Variants in GABBR2 observed in about 807,000 individuals in gnomAD.
GABBR2 encodes the protein G-protein coupled receptor 51.
A neutral mutation model predicts 105.6 loss-of-function variants in GABBR2; 23 were observed. The ratio of observed to expected loss-of-function variants is 0.22; its 90% CI spans 0.16 to 0.31. GABBR2 has a LOEUF of 0.31. Among genes scored for constraint, GABBR2 ranks in the 10% least tolerant of loss-of-function variants. The pLI is 1.00. For synonymous variants in GABBR2, 478 were observed against 499.7 expected, an observed-to-expected ratio of 0.96 and a Z score of 0.58; for missense variants, 734 against 1,245.5, an observed-to-expected ratio of 0.59 and a Z score of 6.18.
At chr9:98,611,567 G>T (rs1283230963) in intron 1 of GABBR2, among the ~76,000 whole-genome samples, 3 of 152,212 alleles carry the variant, frequency 2.0e-5, no homozygotes, top group Non-Finnish European at 4.4e-5. Context: ...TAGGCTAGCT[G>T]CTGACCCATA....
At chr9:98,316,983 C>T (rs1026264745) in intron 13 of GABBR2, among the ~76,000 whole-genome samples, 5 of 152,184 alleles carry the variant, frequency 3.3e-5, no homozygotes, top group South Asian at 2.1e-4. Flanking sequence ...CCTCCTCTCA[C>T]GTGCATCATT....
intron 1 of GABBR2, among the ~76,000 whole-genome samples, chr9:98,645,459 C>A (rs765602871): frequency 5.3e-5 from 8 of 152,296 alleles, no homozygotes; most frequent in Non-Finnish European, 1.0e-4. Context: ...CACTCTGTTA[C>A]TATCATCAGA....
intron 1 of GABBR2, among the ~76,000 whole-genome samples, chr9:98,672,894 C>A (rs1830423544): frequency 6.6e-6 from 1 of 152,218 alleles, no homozygotes; most frequent in Admixed American, 6.5e-5. Context: ...GCAATTTCAA[C>A]TGCCTTTAAT....
chr9:98,430,288 CAA>C (rs55760467), intron 7 of GABBR2, among the ~76,000 whole-genome samples: 943 of 88,840 alleles, frequency 0.011, 11 homozygotes, highest in African/African-American at 0.037. Flanking sequence ...GACTCCGTCT[CAA>C]AAAAAAAAAA....
rs1168207055 is a variant in GABBR2 at position 98,299,262 on chromosome 9, T to C, written c.2504A>G (p.Asn835Ser). Residue 835 changes from asparagine (N) to serine (S), a missense_variant, in exon 17 of 19, where the codon AAT (asparagine) becomes AGT (serine). Transcript: ENST00000259455. ...GAAGTTTCCCAGGTTGAGGATGTCA[T>C]TGAGCTCTTGGTAGTGGTTCTGTTT... is the stretch of plus-strand genomic sequence containing the variant. ...YIKQNHYQEL[N>S]DILNLGNFTE... is the part of the protein sequence containing the mutation. 12 of 1,614,114 alleles carry C rather than the reference T, an allele frequency of 7.4e-6. No homozygotes were observed. In the Middle Eastern group the frequency reaches 5.0e-4, roughly 67 times the overall value.
chr9:98,456,277 T>G (rs901910022), intron 6 of GABBR2, among the ~76,000 whole-genome samples: 9 of 152,170 alleles, frequency 5.9e-5, no homozygotes, highest in African/African-American at 2.2e-4. Context: ...CACAAGCTGT[T>G]TCTCTGCCAG....
intron 2 of GABBR2, among the ~76,000 whole-genome samples, chr9:98,570,393 C>A (rs1828813686): frequency 6.6e-6 from 1 of 152,188 alleles, no homozygotes. Context: ...CTACGAGCAG[C>A]CCTTTATCCC....
chr9:98,490,856 C>T (rs1827162078), intron 4 of GABBR2, among the ~76,000 whole-genome samples: 1 of 152,234 alleles, frequency 6.6e-6, no homozygotes, highest in South Asian at 2.1e-4. Context: ...CTGTTCAGAA[C>T]AGGCTTGGAA....
At chr9:98,364,601 A>ATTTTTTT (rs61391834) in intron 12 of GABBR2, among the ~76,000 whole-genome samples, 2,747 of 135,122 alleles carry the variant, frequency 0.02, 122 homozygotes, top group African/African-American at 0.066. Context: ...GAGGAAGTGG[A>ATTTTTTT]TTTTTTTTTT....
intron 13 of GABBR2, among the ~76,000 whole-genome samples, chr9:98,317,071 A>C (rs1262771988): frequency 6.6e-6 from 1 of 152,210 alleles, no homozygotes; most frequent in Non-Finnish European, 1.5e-5. Flanking sequence ...GAAGAACTTA[A>C]TCGTTAAATA....
intron 7 of GABBR2, among the ~76,000 whole-genome samples, chr9:98,438,494 C>G (rs1327497210): frequency 6.6e-6 from 1 of 152,200 alleles, no homozygotes; most frequent in East Asian, 1.9e-4. Context: ...AGGCCATGTG[C>G]TAGAAACTGA....
intron 2 of GABBR2, among the ~76,000 whole-genome samples, chr9:98,551,349 G>A (rs1169291630): frequency 1.3e-5 from 2 of 152,190 alleles, no homozygotes; most frequent in Non-Finnish European, 2.9e-5. Context: ...GTTGCAGTGA[G>A]CTGAGATCAT....
chr9:98,292,019 G>C (rs969886304), intron 18 of GABBR2, among the ~76,000 whole-genome samples: 5 of 152,200 alleles, frequency 3.3e-5, no homozygotes, highest in African/African-American at 1.2e-4. Context: ...CACCCTTCTG[G>C]TCTTAATGAC....
At chr9:98,567,643 G>T (rs1019567860) in intron 2 of GABBR2, among the ~76,000 whole-genome samples, 2 of 152,174 alleles carry the variant, frequency 1.3e-5, no homozygotes, top group African/African-American at 4.8e-5. Flanking sequence ...TCTGCAAAGT[G>T]CTCCCACATG....
At chr9:98,612,299 C>T (rs1829516175) in intron 1 of GABBR2, among the ~76,000 whole-genome samples, 1 of 152,202 alleles carries the variant, frequency 6.6e-6, no homozygotes, top group Non-Finnish European at 1.5e-5. Flanking sequence ...GAGACAGGCA[C>T]CAGCTGGAGA....
chr9:98,695,415 G>T (rs895581764), intron 1 of GABBR2, among the ~76,000 whole-genome samples: 1 of 152,158 alleles, frequency 6.6e-6, no homozygotes, highest in Non-Finnish European at 1.5e-5. Context: ...CCAGTGGATG[G>T]TTCACCACTG....
intron 2 of GABBR2, among the ~76,000 whole-genome samples, chr9:98,544,527 A>G (rs566473370): frequency 6.6e-6 from 1 of 152,308 alleles, no homozygotes; most frequent in African/African-American, 2.4e-5. Flanking sequence ...TTGGTAGACG[A>G]GGACTAATGA....
chr9:98,636,365 C>T (rs756377437), intron 1 of GABBR2, among the ~76,000 whole-genome samples: 2 of 152,118 alleles, frequency 1.3e-5, no homozygotes, highest in Non-Finnish European at 2.9e-5. Flanking sequence ...GGTGAGCGCA[C>T]TTGGGGTGTA....
chr9:98,642,099 A>G (rs1463716135), intron 1 of GABBR2, among the ~76,000 whole-genome samples: 2 of 152,208 alleles, frequency 1.3e-5, no homozygotes, highest in East Asian at 1.9e-4. Context: ...TGACCACTCA[A>G]CAAGTCCTTT....
Sources: allele counts gnomAD v4.1 joint callset (sites outside exome capture counted in the v4.1 genomes callset), GRCh38; gene constraint gnomAD v4.1.1; transcripts MANE v1.5; gene names NCBI Gene and HGNC (gene_info 2026-07-23, HGNC 2026-07-21).